The following ENTREP2 variants were observed in gnomAD, a reference collection of about 807,000 sequenced individuals.
ENTREP2 encodes the protein endosomal transmembrane epsin interactor 2.
the ENTREP2 span, among the ~76,000 whole-genome samples, chr15:29,531,893 T>C: frequency 6.6e-6 from 1 of 152,200 alleles, no homozygotes; most frequent in African/African-American, 2.4e-5. Context: ...CTCAAACCCC[T>C]GACCTCAGGT....
chr15:29,423,838 A>T, the ENTREP2 span, among the ~76,000 whole-genome samples: 1 of 152,144 alleles, frequency 6.6e-6, no homozygotes, highest in Non-Finnish European at 1.5e-5. Flanking sequence ...CGTTCACAGT[A>T]CACAGTTTTT....
At chr15:29,672,112 G>C in the ENTREP2 span, among the ~76,000 whole-genome samples, 1 of 152,112 alleles carries the variant, frequency 6.6e-6, no homozygotes, top group Non-Finnish European at 1.5e-5. Context: ...TCAGCCTCCC[G>C]AGTAGCTGGG....
At chr15:29,156,959 A>T in the ENTREP2 span, among the ~76,000 whole-genome samples, 1 of 151,966 alleles carries the variant, frequency 6.6e-6, no homozygotes, top group Non-Finnish European at 1.5e-5. Context: ...TAGCCGGGAG[A>T]GGTGGCACAT....
At chr15:29,129,433 C>T in the ENTREP2 span, among the ~76,000 whole-genome samples, 523 of 152,308 alleles carry the variant, frequency 3.4e-3, 3 homozygotes, top group African/African-American at 0.01. Context: ...CCTGAGCCTA[C>T]GAGTTGCACA....
chr15:29,466,989 C>A, the ENTREP2 span, among the ~76,000 whole-genome samples: 1 of 139,572 alleles, frequency 7.2e-6, no homozygotes, highest in Non-Finnish European at 1.6e-5. Flanking sequence ...CAGGGGAGGG[C>A]CCGGGGAGGA....
the ENTREP2 span, among the ~76,000 whole-genome samples, chr15:29,207,876 G>A: frequency 3.9e-5 from 6 of 152,194 alleles, no homozygotes; most frequent in East Asian, 1.9e-4. Context: ...CACAATGGGC[G>A]TGGAATCATG....
the ENTREP2 span, among the ~76,000 whole-genome samples, chr15:29,526,527 G>A: frequency 6.6e-6 from 1 of 151,974 alleles, no homozygotes; most frequent in Admixed American, 6.6e-5. Flanking sequence ...GCAATAGCGT[G>A]ATCATAGCTC....
At chr15:29,397,058 C>T in the ENTREP2 span, among the ~76,000 whole-genome samples, 1 of 152,102 alleles carries the variant, frequency 6.6e-6, no homozygotes, top group Non-Finnish European at 1.5e-5. Flanking sequence ...AGGTTACTGG[C>T]TAAAACTCAC....
the ENTREP2 span, among the ~76,000 whole-genome samples, chr15:29,490,929 C>T: frequency 6.6e-6 from 1 of 152,184 alleles, no homozygotes; most frequent in African/African-American, 2.4e-5. Flanking sequence ...GGGGGTGATG[C>T]CCCTCTGGGA....
At chr15:29,550,403 T>C in the ENTREP2 span, among the ~76,000 whole-genome samples, 1 of 152,220 alleles carries the variant, frequency 6.6e-6, no homozygotes, top group South Asian at 2.1e-4. Context: ...TGCTCATTTA[T>C]TCCATTTATT....
At chr15:29,565,790 C>T in the ENTREP2 span, among the ~76,000 whole-genome samples, 1 of 151,966 alleles carries the variant, frequency 6.6e-6, no homozygotes, top group African/African-American at 2.4e-5. Context: ...GGGGAAACCC[C>T]ATCTCTACTA....
the ENTREP2 span, among the ~76,000 whole-genome samples, chr15:29,231,460 T>G: frequency 6.6e-6 from 1 of 152,192 alleles, no homozygotes; most frequent in African/African-American, 2.4e-5. Context: ...ATATCCCATA[T>G]CATATGTAAA....
At chr15:29,171,903 C>T in the ENTREP2 span, among the ~76,000 whole-genome samples, 15 of 152,198 alleles carry the variant, frequency 9.9e-5, no homozygotes, top group Admixed American at 3.9e-4. Flanking sequence ...TAATCCTGAA[C>T]GGTAAGGTCT....
chr15:29,417,634 A>G, the ENTREP2 span, among the ~76,000 whole-genome samples: 6 of 151,984 alleles, frequency 3.9e-5, no homozygotes, highest in Non-Finnish European at 8.8e-5. Context: ...CCTAAAACTT[A>G]AAGTATAATA....
the ENTREP2 span, among the ~76,000 whole-genome samples, chr15:29,228,171 T>C: frequency 2.0e-5 from 3 of 151,820 alleles, no homozygotes; most frequent in Non-Finnish European, 2.9e-5. Context: ...ATACAAAAAT[T>C]AGCTGGGCAT....
the ENTREP2 span, among the ~76,000 whole-genome samples, chr15:29,347,729 C>A: frequency 6.6e-6 from 1 of 152,194 alleles, no homozygotes; most frequent in Non-Finnish European, 1.5e-5. Context: ...TGGAACAAAG[C>A]ATTCACATGA....
the ENTREP2 span, among the ~76,000 whole-genome samples, chr15:29,320,911 G>T: frequency 2.0e-5 from 3 of 152,196 alleles, no homozygotes; most frequent in East Asian, 5.8e-4. Flanking sequence ...TTCAGAAAGT[G>T]TAATATATGT....
the ENTREP2 span, among the ~76,000 whole-genome samples, chr15:29,516,782 CAA>C: frequency 6.6e-6 from 1 of 151,988 alleles, no homozygotes; most frequent in East Asian, 1.9e-4. Context: ...TTCATAATAA[CAA>C]AAGAGACCAA....
chr15:29,656,563 CAG>C, the ENTREP2 span, among the ~76,000 whole-genome samples: 3 of 152,282 alleles, frequency 2.0e-5, no homozygotes, highest in African/African-American at 4.8e-5. Context: ...TGATAGCAGA[CAG>C]AAACTTGGGC....
Sources: allele counts gnomAD v4.1 joint callset (sites outside exome capture counted in the v4.1 genomes callset), GRCh38; gene constraint gnomAD v4.1.1; transcripts MANE v1.5; gene names NCBI Gene and HGNC (gene_info 2026-07-23, HGNC 2026-07-21).